CDHR2: variants seen among roughly 807,000 people sequenced by gnomAD.
CDHR2 encodes cadherin-related family member 2.
CDHR2 carries 104 observed loss-of-function variants against 138.6 expected under a neutral mutation model. That is an observed-to-expected ratio of 0.75 (90% CI 0.64 to 0.88). CDHR2 has a LOEUF of 0.88. CDHR2 is among the 40% of genes least tolerant of loss of function. The probability of loss-of-function intolerance (pLI) is 0.00; values close to 1 mark genes in which losing one functional copy is unlikely to be tolerated. For missense variants in CDHR2, 1,624 were observed against 1,727.6 expected (o/e 0.94, Z 1.06); for synonymous variants, 755 against 742.8 (o/e 1.02, Z -0.27).
rs1758796157 is a variant in CDHR2, at chr5:176,589,739, G to A, written c.3206+123G>A. 4.7e-6 allele frequency: 4 copies of A among 844,746 alleles called. No homozygotes were observed. The Admixed American group carries it at 8.4e-5, about 18-fold the overall frequency. 52.3% of individuals were successfully genotyped at this position (844,746 alleles called of 1,614,324 possible). A position where few individuals can be genotyped will look rare whatever the true frequency, so the allele number is the denominator to read the frequency against. On this transcript the variant is annotated intron_variant, in intron 24 of 31. Coordinates refer to ENST00000261944, the MANE Select transcript of CDHR2 (RefSeq NM_017675.6). ...CTGACCCACATTTGACCTTGTCCCT[G>A]TCTTCAACCCTGTACTTTCACCTGC...
intron 20 of CDHR2, 49 bp downstream of exon 20, chr5:176,586,074 C>T (rs762955679): frequency 2.7e-6 from 4 of 1,507,928 alleles, no homozygotes; most frequent in Non-Finnish European, 3.7e-6. Flanking sequence ...CATAAGGCCG[C>T]CTTTGAGCAA....
intron 1 of CDHR2, among the ~76,000 whole-genome samples, chr5:176,560,600 G>C (rs546652734): frequency 6.6e-6 from 1 of 152,298 alleles, no homozygotes; most frequent in South Asian, 2.1e-4. Flanking sequence ...CAGGGATGCA[G>C]TGCACTATTA....
rs1045651815 is a variant in CDHR2 at position 176,553,301 on chromosome 5, C to T, written c.-16+3887C>T. Among the ~76,000 whole-genome samples the T allele has an allele frequency of 6.6e-6, 1 of 152,170 alleles. No individual in the cohort carries two copies. The highest frequency in any genetic ancestry group is 1.9e-4 in the East Asian group (1 of 5,186). ...CTGCCCATTACTGGCTGGGCCGCGC[C>T]CTTTCCCCTCTTGGACGTCAGTTTG... On this transcript the variant is annotated intron_variant, in intron 1 of 31. Coordinates refer to ENST00000261944, the MANE Select transcript of CDHR2 (RefSeq NM_017675.6). The surrounding 1 kb of genome is among the most constrained non-coding windows in gnomAD (Gnocchi z 4.3).
chr5:176,589,404 T>A lies in CDHR2; in HGVS notation c.3083T>A (p.Leu1028Ter). The change falls in exon 23 of 32, where the codon TTG becomes TAG. Residue 1028 changes from leucine to a stop codon, truncating the protein, a stop_gained. Transcript: ENST00000261944. LOFTEE classifies it high-confidence loss of function. The part of the protein sequence containing the change: ...VTVQARDRPS[L>*]GPFLEATTTL... The stretch of plus-strand genomic sequence containing the variant: ...GTCCAGGCCAGGGACAGACCTTCCT[T>A]GGGTCCTTTCCTGGAAGCCACCACC... 2 of 1,580,656 alleles carry A rather than the reference T, an allele frequency of 1.3e-6. No individual in the cohort carries two copies. Among genetic ancestry groups the A allele is most frequent in the Non-Finnish European group, 1.7e-6 (2 of 1,161,538 alleles).
chr5:176,559,017 C>A (rs1757906756), intron 1 of CDHR2, among the ~76,000 whole-genome samples: 1 of 152,212 alleles, frequency 6.6e-6, no homozygotes, highest in Non-Finnish European at 1.5e-5. Context: ...ACTGGCTAGA[C>A]ATCTTGCTCT....
chr5:176,590,395 C>T, intron 26 of CDHR2, 30 bp from the exon 27 acceptor site: 1 of 1,614,140 alleles, frequency 6.2e-7, no homozygotes, highest in Non-Finnish European at 8.5e-7. Flanking sequence ...TGCCAAGGTC[C>T]CTCGGGCCTA....
intron 30 of CDHR2, chr5:176,591,715 GT>G: frequency 2.0e-6 from 1 of 504,226 alleles, no homozygotes; most frequent in South Asian, 2.1e-5. Flanking sequence ...TGGTGTTGGT[GT>G]TGAGGTGATG....
intron 14 of CDHR2, 82 bp downstream of exon 14, chr5:176,577,880 A>G (rs200023475): frequency 7.5e-5 from 90 of 1,193,092 alleles, no homozygotes; most frequent in Middle Eastern, 2.5e-4. Context: ...GTGTGTGTGT[A>G]TGTGTGAGAT....
chr5:176,591,504 GC>G lies in CDHR2; in HGVS notation c.3734+22del, dbSNP rs1246408540. On this transcript the variant is annotated intron_variant, in intron 30 of 31. Transcript: ENST00000261944. ...TGTCAGGTGAGCAGTGCCCCTCACA[GC>G]CAGGCTAGGTGGTGGTGGTGGTACA... 1.3e-6 allele frequency: 2 copies of G among 1,578,924 alleles called. No individual in the cohort carries two copies. Among genetic ancestry groups the G allele is most frequent in the Non-Finnish European group, 1.7e-6 (2 of 1,148,542 alleles).
chr5:176,544,082 C>T (rs1757524965), intron 1 of CDHR2, among the ~76,000 whole-genome samples: 1 of 152,264 alleles, frequency 6.6e-6, no homozygotes, highest in Non-Finnish European at 1.5e-5. Context: ...GGTGGTAGTC[C>T]CTGCAGACCG....
chr5:176,548,412 C>T (rs1488069032), upstream of CDHR2, among the ~76,000 whole-genome samples: 3 of 152,194 alleles, frequency 2.0e-5, no homozygotes, highest in African/African-American at 4.8e-5. Context: ...TGGCTGAGCC[C>T]CTTCGGGAGG....
intron 6 of CDHR2, 72 bp from the exon 7 acceptor site, chr5:176,574,011 A>AG (rs1303440387): frequency 3.4e-6 from 4 of 1,165,756 alleles, no homozygotes; most frequent in African/African-American, 1.5e-5. Context: ...ACTGAAGCTC[A>AG]GGGGGGCAGT....
chr5:176,584,113 G>A (rs537521903), intron 17 of CDHR2, 77 bp from the exon 18 acceptor site: 799 of 1,216,054 alleles, frequency 6.6e-4, no homozygotes, highest in Non-Finnish European at 8.8e-4. Flanking sequence ...TGGAGCACAG[G>A]GATTATTGGT....
chr5:176,581,483 C>A lies in CDHR2; in HGVS notation c.1959C>A (p.Ile653=). 6.2e-7 allele frequency: 1 copy of A among 1,614,144 alleles called. No homozygotes were observed. Among genetic ancestry groups the A allele is most frequent in the Non-Finnish European group, 8.5e-7 (1 of 1,180,040 alleles). ...RNLGPLDREA[I]DPALEGRIVL... ...TGGGGCCCCTGGACAGAGAGGCCAT[C>A]GACCCCGCCCTGGAGGGCCGCATTG... The change falls in exon 17 of 32, where the codon ATC becomes ATA. Residue 653 remains isoleucine, a synonymous_variant. Transcript: ENST00000261944.
At chr5:176,582,644 T>A (rs1171959374) in intron 17 of CDHR2, among the ~76,000 whole-genome samples, 3 of 152,110 alleles carry the variant, frequency 2.0e-5, no homozygotes, top group African/African-American at 7.2e-5. Context: ...TAGCCAGGCA[T>A]GGTGGCATGT....
intron 1 of CDHR2, among the ~76,000 whole-genome samples, chr5:176,552,728 G>T (rs892531753): frequency 1.3e-5 from 2 of 152,192 alleles, no homozygotes; most frequent in African/African-American, 4.8e-5. Context: ...AGAAACCCGG[G>T]GCCAACCCCA....
intron 17 of CDHR2, among the ~76,000 whole-genome samples, chr5:176,582,485 T>C (rs956696990): frequency 1.3e-5 from 2 of 152,170 alleles, no homozygotes; most frequent in African/African-American, 4.8e-5. Flanking sequence ...GTTTTATTGA[T>C]TGAGCAACTG....
intron 1 of CDHR2, among the ~76,000 whole-genome samples, chr5:176,563,075 C>T (rs1471481203): frequency 6.6e-6 from 1 of 152,112 alleles, no homozygotes; most frequent in Non-Finnish European, 1.5e-5. Flanking sequence ...GGGCTGGGCG[C>T]AGTGGCTCAC....
At chr5:176,575,680 C>T in intron 10 of CDHR2, 44 bp from the exon 11 acceptor site, 1 of 1,595,702 alleles carries the variant, frequency 6.3e-7, no homozygotes, top group Non-Finnish European at 8.6e-7. Flanking sequence ...CCGTCAGAGC[C>T]ACTGGAGCAG....
Sources: gnomAD v4.1 joint callset for allele counts (sites outside exome capture counted in the v4.1 genomes callset) on GRCh38, gnomAD v4.1.1 for gene constraint, Gnocchi (gnomAD v3.1) non-coding constraint, MANE v1.5 for transcripts, NCBI Gene and HGNC (gene_info 2026-07-23, HGNC 2026-07-21) for gene names.